CPM: variants seen among roughly 807,000 people sequenced by gnomAD.
CPM encodes renal carboxypeptidase.
A neutral mutation model predicts 46.4 loss-of-function variants in CPM; 35 were observed. That is an observed-to-expected ratio of 0.75 (90% CI 0.58 to 1.00). The LOEUF (loss-of-function observed/expected upper bound fraction) is 1.00. Ranked by LOEUF, CPM falls within the 50% of genes least tolerant of loss-of-function variation. The pLI is 0.00. For missense variants in CPM, 422 were observed against 530.4 expected (o/e 0.80, Z 2.01); for synonymous variants, 195 against 195.3 (o/e 1.00, Z 0.01).
At chr12:68,910,184 A>T (rs1263002170) in intron 2 of CPM, among the ~76,000 whole-genome samples, 2 of 152,186 alleles carry the variant, frequency 1.3e-5, no homozygotes, top group Non-Finnish European at 2.9e-5. Context: ...AAAAGTTATA[A>T]ATGACCTAAA....
chr12:68,903,098 TAAC>T (rs1162892665), intron 2 of CPM, among the ~76,000 whole-genome samples: 1 of 152,352 alleles, frequency 6.6e-6, no homozygotes, highest in East Asian at 1.9e-4. Context: ...ATGTTATTGT[TAAC>T]AAACGTTGTT....
In CPM at chr12:68,945,686, A is replaced by G. The variant is rs74370212; in HGVS notation, c.-3-12846T>C. Reference sequence around the variant, plus strand: ...CAGTAAACTACAAGAGACCTAATGCAAGGTGTGAAAGTCTTAGCTTCAGGA... The same window carrying G: ...CAGTAAACTACAAGAGACCTAATGCGAGGTGTGAAAGTCTTAGCTTCAGGA... On this transcript the variant is annotated intron_variant, in intron 1 of 8. Transcript: ENST00000546373. 8.2e-3 allele frequency among the ~76,000 whole-genome samples: 1,242 copies of G among 152,240 alleles called. 11 individuals are homozygous for G. Among genetic ancestry groups the G allele is most frequent in the Middle Eastern group, 0.027 (8 of 294 alleles).
chr12:68,893,256 T>C (rs1263945675), intron 2 of CPM, among the ~76,000 whole-genome samples: 1 of 152,106 alleles, frequency 6.6e-6, no homozygotes, highest in Non-Finnish European at 1.5e-5. Context: ...CACACCTTTT[T>C]TCATGGCAAA....
At chr12:68,933,609 G>A (rs528064944), upstream of CPM, among the ~76,000 whole-genome samples, 10 of 152,206 alleles carry the variant, frequency 6.6e-5, no homozygotes, top group South Asian at 2.1e-3. Flanking sequence ...CGGGACGCAT[G>A]CGGAGTCCTG....
At chr12:68,912,205 C>T (rs910733792) in intron 2 of CPM, among the ~76,000 whole-genome samples, 3 of 152,270 alleles carry the variant, frequency 2.0e-5, no homozygotes, top group South Asian at 2.1e-4. Flanking sequence ...CGGGGCTTCA[C>T]CATTTTGGCC....
chr12:68,928,578 A>G (rs1034979403), intron 2 of CPM, among the ~76,000 whole-genome samples: 28 of 152,320 alleles, frequency 1.8e-4, no homozygotes, highest in African/African-American at 6.7e-4. Context: ...ATAATGTCTT[A>G]AACTATTTAC....
At chr12:68,876,908 G>C (rs1354429626) in intron 3 of CPM, among the ~76,000 whole-genome samples, 2 of 122,732 alleles carry the variant, frequency 1.6e-5, no homozygotes, top group Non-Finnish European at 3.8e-5. Context: ...GTGTGTGTGT[G>C]TGTGTGTGTG....
chr12:68,939,462 A>G (rs951131126), intron 1 of CPM, among the ~76,000 whole-genome samples: 4 of 151,586 alleles, frequency 2.6e-5, no homozygotes, highest in Admixed American at 1.3e-4. Flanking sequence ...AAATCTGATT[A>G]ATGTCTTACA....
At chr12:68,918,685 A>G (rs897552358) in intron 2 of CPM, among the ~76,000 whole-genome samples, 6 of 152,048 alleles carry the variant, frequency 3.9e-5, no homozygotes, top group African/African-American at 1.2e-4. Flanking sequence ...TCTTGGTTTT[A>G]TTTCCAAAAC....
intron 2 of CPM, among the ~76,000 whole-genome samples, chr12:68,922,378 G>A (rs1270205271): frequency 6.6e-6 from 1 of 152,112 alleles, no homozygotes; most frequent in East Asian, 1.9e-4. Context: ...TAGTTTTCAC[G>A]GATTTGCATC....
intron 2 of CPM, among the ~76,000 whole-genome samples, chr12:68,924,758 T>G (rs1229037511): frequency 6.6e-6 from 1 of 152,164 alleles, no homozygotes; most frequent in African/African-American, 2.4e-5. Flanking sequence ...ACGAGCATAT[T>G]TGGGAAATGA....
intron 2 of CPM, among the ~76,000 whole-genome samples, chr12:68,922,289 T>C (rs1325538908): frequency 6.6e-6 from 1 of 152,250 alleles, no homozygotes; most frequent in Admixed American, 6.5e-5. Context: ...GTGTGTATTA[T>C]GTGGGAAAGG....
intron 1 of CPM, among the ~76,000 whole-genome samples, chr12:68,942,181 A>C (rs1242922099): frequency 6.6e-6 from 1 of 152,226 alleles, no homozygotes; most frequent in African/African-American, 2.4e-5. Flanking sequence ...TTTCTCTAGA[A>C]ATTGTGGCTG....
At chr12:68,926,547 TTTTA>T (rs760252875) in intron 2 of CPM, among the ~76,000 whole-genome samples, 76 of 152,028 alleles carry the variant, frequency 5.0e-4, no homozygotes, top group Middle Eastern at 3.4e-3. Flanking sequence ...TGCTTTTTAT[TTTTA>T]TTTATTTATT....
chr12:68,867,353 T>C (rs1424878277), intron 6 of CPM, among the ~76,000 whole-genome samples: 2 of 152,206 alleles, frequency 1.3e-5, no homozygotes, highest in African/African-American at 4.8e-5. Context: ...ATTACAAAAA[T>C]GATTCTTTGA....
chr12:68,876,884 ACG>A (rs1351687767), intron 3 of CPM, among the ~76,000 whole-genome samples: 2 of 140,008 alleles, frequency 1.4e-5, no homozygotes, highest in Non-Finnish European at 3.1e-5. Flanking sequence ...GTGTGTGTGC[ACG>A]CGCATGCGTG....
intron 1 of CPM, among the ~76,000 whole-genome samples, chr12:68,961,381 GTGGT>G (rs1889108802): frequency 6.6e-6 from 1 of 152,192 alleles, no homozygotes; most frequent in Non-Finnish European, 1.5e-5. Flanking sequence ...CTGGGCTCGA[GTGGT>G]CCACCTGCCT....
At chr12:68,878,580 C>T (rs1886056881) in intron 3 of CPM, among the ~76,000 whole-genome samples, 1 of 152,148 alleles carries the variant, frequency 6.6e-6, no homozygotes, top group Non-Finnish European at 1.5e-5. Flanking sequence ...GACCAATCAC[C>T]ACTCCCCACT....
chr12:68,870,490 G>T, intron 4 of CPM, 91 bp from the exon 5 acceptor site: 3 of 1,183,644 alleles, frequency 2.5e-6, no homozygotes, highest in Non-Finnish European at 3.6e-6. Flanking sequence ...GGCTCCAGGT[G>T]TCTTTCCAAA....
Sources: gnomAD v4.1 joint callset for allele counts (sites outside exome capture counted in the v4.1 genomes callset) on GRCh38, gnomAD v4.1.1 for gene constraint, MANE v1.5 for transcripts, NCBI Gene and HGNC (gene_info 2026-07-23, HGNC 2026-07-21) for gene names.